CDC25C: variants seen among roughly 807,000 people sequenced by gnomAD.
CDC25C encodes cell division cycle 25C.
Under a neutral mutation model 52.5 loss-of-function variants are expected in CDC25C, and 48 were observed. The observed-to-expected ratio is 0.91, with a 90% confidence interval of 0.72 to 1.16. The LOEUF (loss-of-function observed/expected upper bound fraction) is 1.16, where lower values mean the gene tolerates loss of function less well. CDC25C is among the 50% of genes most tolerant of loss of function. The probability of loss-of-function intolerance (pLI) is 0.00; values close to 1 mark genes in which losing one functional copy is unlikely to be tolerated. For synonymous variants in CDC25C, 187 were observed against 206.5 expected (o/e 0.91, Z 0.81); for missense variants, 510 against 566.1 (o/e 0.90, Z 1.01).
intron 10 of CDC25C, 37 bp from the exon 11 acceptor site, chr5:138,287,304 C>T (rs750506425): frequency 6.9e-7 from 1 of 1,439,714 alleles, no homozygotes; most frequent in Non-Finnish European, 9.8e-7. Context: ...CTGCTCACTG[C>T]CACTCTGAGG....
intron 3 of CDC25C, 158 bp from the exon 4 acceptor site, chr5:138,328,687 G>T: frequency 1.7e-6 from 1 of 600,652 alleles, no homozygotes; most frequent in Admixed American, 3.0e-5. Flanking sequence ...CATGGTACAA[G>T]GTACAATTTC....
At chr5:138,306,484 A>ATTT (rs1480764208) in intron 7 of CDC25C, among the ~76,000 whole-genome samples, 1 of 151,704 alleles carries the variant, frequency 6.6e-6, no homozygotes, top group Non-Finnish European at 1.5e-5. Context: ...TATTATTATT[A>ATTT]TTATATTTTG....
intron 10 of CDC25C, among the ~76,000 whole-genome samples, chr5:138,287,679 G>A (rs1290310414): frequency 3.3e-5 from 5 of 152,204 alleles, no homozygotes; most frequent in African/African-American, 1.2e-4. Context: ...AAAGGATATG[G>A]AAGGGAAAGG....
chr5:138,310,522 A>G (rs917094993), intron 7 of CDC25C, among the ~76,000 whole-genome samples: 50 of 152,224 alleles, frequency 3.3e-4, no homozygotes, highest in African/African-American at 1.2e-3. Flanking sequence ...ATAACTCCAC[A>G]TAGTTTAGTC....
chr5:138,336,278 G>A (rs748643705), upstream of CDC25C, among the ~76,000 whole-genome samples: 1 of 151,960 alleles, frequency 6.6e-6, no homozygotes, highest in East Asian at 1.9e-4. Context: ...GATTACAGAT[G>A]GGCGCCACAA....
At chr5:138,297,535 C>T (rs772859966) in intron 7 of CDC25C, among the ~76,000 whole-genome samples, 3 of 152,154 alleles carry the variant, frequency 2.0e-5, no homozygotes, top group African/African-American at 7.2e-5. Flanking sequence ...TCTCTTTTAT[C>T]TCCTCCCTCT....
chr5:138,336,198 T>C (rs956289121), upstream of CDC25C, among the ~76,000 whole-genome samples: 1 of 151,012 alleles, frequency 6.6e-6, no homozygotes, highest in Non-Finnish European at 1.5e-5. Context: ...AGTGGCACAA[T>C]CTCGGCTCAC....
intron 6 of CDC25C, among the ~76,000 whole-genome samples, chr5:138,323,135 T>C (rs1171315972): frequency 1.3e-5 from 2 of 151,980 alleles, no homozygotes; most frequent in Non-Finnish European, 2.9e-5. Flanking sequence ...TTTTGCCATG[T>C]TGGCCAAGCT....
intron 7 of CDC25C, among the ~76,000 whole-genome samples, chr5:138,306,156 A>G (rs568414860): frequency 6.6e-6 from 1 of 152,270 alleles, no homozygotes; most frequent in South Asian, 2.1e-4. Context: ...TGAGTTCCTC[A>G]GTACCCTCCA....
chr5:138,307,063 C>T (rs555402007), intron 7 of CDC25C, among the ~76,000 whole-genome samples: 5 of 151,538 alleles, frequency 3.3e-5, no homozygotes, highest in South Asian at 2.1e-4. Flanking sequence ...AGGCTGGTCT[C>T]GAACTCCTGA....
At position 138,285,542 on chromosome 5, in the gene CDC25C, T is replaced by C. The variant is rs1756133956; in HGVS notation, c.*150A>G. On this transcript the variant is annotated 3_prime_UTR_variant, in exon 14 of 14. Coordinates refer to ENST00000323760, the MANE Select transcript of CDC25C (RefSeq NM_001790.5). ...TTCAGCTCTGCTGAAACCTAATCCATTCCCAGGCCTGGATACAAGTTGGTA... is the reference window on the plus strand; with the variant it reads ...TTCAGCTCTGCTGAAACCTAATCCACTCCCAGGCCTGGATACAAGTTGGTA... 2.7e-6 allele frequency: 2 copies of C among 749,644 alleles called. No individual in the cohort carries two copies. Among genetic ancestry groups the C allele is most frequent in the South Asian group, 1.7e-5 (1 of 59,408 alleles). The allele number at this position is 749,644 out of a possible 1,614,324, so 46.4% of individuals were successfully genotyped here.
chr5:138,317,931 T>A (rs1302857439), intron 7 of CDC25C, among the ~76,000 whole-genome samples: 1 of 152,224 alleles, frequency 6.6e-6, no homozygotes, highest in Non-Finnish European at 1.5e-5. Context: ...CCTAGATTAC[T>A]TTGATGGTGA....
At chr5:138,337,087 TAAAAA>T (rs1043143874) in intron 1 of CDC25C, 3 of 151,966 alleles carry the variant, frequency 2.0e-5, no homozygotes, top group African/African-American at 7.2e-5. Context: ...TCCAATCAAT[TAAAAA>T]AAAGAAATAG....
intron 2 of CDC25C, among the ~76,000 whole-genome samples, chr5:138,330,415 G>T (rs749587586): frequency 2.0e-5 from 3 of 152,140 alleles, no homozygotes; most frequent in Non-Finnish European, 4.4e-5. Context: ...TGACCGACTC[G>T]TAATGCAGCG....
exon 1 of CDC25C, chr5:138,338,092 G>A (rs1042243884): frequency 1.6e-6 from 2 of 1,289,780 alleles, no homozygotes; most frequent in Non-Finnish European, 2.0e-6. Context: ...CGCCAGGCTC[G>A]TTCCCAACAG....
Position 138,286,064 on chromosome 5 carries a change from A to G in CDC25C, c.1230T>C (p.Tyr410=), listed in dbSNP as rs373231472. 7 of 1,613,952 alleles carry G rather than the reference A, an allele frequency of 4.3e-6. No individual in the cohort carries two copies. Among genetic ancestry groups the G allele is most frequent in the Non-Finnish European group, 5.9e-6 (7 of 1,179,944 alleles). The part of the protein sequence containing the change: ...QYPALYYPEL[Y]ILKGGYRDFF... ...AGTCTCTGTAGCCGCCTTTAAGGAT[A>G]TATAGCTCTGGGTAGTACAATGCAG... The change falls in exon 13 of 14, where the codon TAT becomes TAC. Residue 410 remains tyrosine (Y), a synonymous_variant. Transcript: ENST00000323760.
chr5:138,326,453 T>A (rs966687187), intron 4 of CDC25C, among the ~76,000 whole-genome samples: 1 of 152,038 alleles, frequency 6.6e-6, no homozygotes, highest in Admixed American at 6.6e-5. Context: ...GCCATTCTCC[T>A]GCCTCAGCCT....
chr5:138,323,457 C>T (rs1470559094), intron 6 of CDC25C, among the ~76,000 whole-genome samples: 1 of 151,852 alleles, frequency 6.6e-6, no homozygotes, highest in Non-Finnish European at 1.5e-5. Context: ...ACCACCAAGT[C>T]CCAGCCATTT....
At chr5:138,296,185 C>T (rs1757159909) in intron 7 of CDC25C, among the ~76,000 whole-genome samples, 1 of 152,098 alleles carries the variant, frequency 6.6e-6, no homozygotes, top group Non-Finnish European at 1.5e-5. Context: ...TTAGCTACTC[C>T]ATTTTTGATG....
Sources: allele counts gnomAD v4.1 joint callset (sites outside exome capture counted in the v4.1 genomes callset), GRCh38; gene constraint gnomAD v4.1.1; transcripts MANE v1.5; gene names NCBI Gene and HGNC (gene_info 2026-07-23, HGNC 2026-07-21).